Variants in TRDN observed in about 807,000 individuals in gnomAD.
TRDN encodes the protein triadin in skeletal muscle.
TRDN carries 161 observed loss-of-function variants against 149.7 expected under a neutral mutation model. The observed-to-expected ratio is 1.08, with a 90% CI of 0.95 to 1.23. TRDN has a LOEUF of 1.23. Among genes scored for constraint, TRDN ranks in the 50% most tolerant of loss-of-function variants. TRDN has a pLI of 0.00. For synonymous variants in TRDN, 294 were observed against 250.5 expected (o/e 1.17, Z -1.64); for missense variants, 896 against 823.5 (o/e 1.09, Z -1.08).
chr6:123,248,230 A>T (rs187781241), intron 38 of TRDN, among the ~76,000 whole-genome samples: 5 of 152,296 alleles, frequency 3.3e-5, no homozygotes, highest in Non-Finnish European at 5.9e-5. Flanking sequence ...AACTCAGAGG[A>T]AAAAGGAGAC....
chr6:123,580,356 G>T (rs1583278356), intron 1 of TRDN, among the ~76,000 whole-genome samples: 2 of 152,210 alleles, frequency 1.3e-5, no homozygotes, highest in South Asian at 2.1e-4. Flanking sequence ...GAATTTAAAG[G>T]CTAGTAAAAT....
chr6:123,545,624 C>T (rs976325608), intron 4 of TRDN, among the ~76,000 whole-genome samples: 3 of 151,712 alleles, frequency 2.0e-5, no homozygotes, highest in African/African-American at 7.3e-5. Flanking sequence ...AGTCAATTCT[C>T]CTAATTCTGA....
At chr6:123,326,181 A>G (rs1779447075) in intron 23 of TRDN, among the ~76,000 whole-genome samples, 1 of 152,086 alleles carries the variant, frequency 6.6e-6, no homozygotes, top group South Asian at 2.1e-4. Context: ...AATCGCACCC[A>G]TGCATGGCAT....
At chr6:123,545,527 A>G (rs1227447554) in intron 4 of TRDN, among the ~76,000 whole-genome samples, 1 of 151,888 alleles carries the variant, frequency 6.6e-6, no homozygotes, top group Non-Finnish European at 1.5e-5. Context: ...CCCAAGATAG[A>G]GCATCTGAGA....
chr6:123,320,800 A>G (rs1315658388), intron 23 of TRDN, among the ~76,000 whole-genome samples: 1 of 152,064 alleles, frequency 6.6e-6, no homozygotes, highest in Non-Finnish European at 1.5e-5. Flanking sequence ...ATTATAATTA[A>G]CATATACAGT....
chr6:123,630,287 C>T (rs765799094), intron 1 of TRDN, among the ~76,000 whole-genome samples: 2 of 151,980 alleles, frequency 1.3e-5, no homozygotes, highest in Non-Finnish European at 2.9e-5. Context: ...TATCTTTAAG[C>T]TCCAACTAAG....
intron 37 of TRDN, 45 bp from the exon 38 acceptor site, chr6:123,252,480 G>A: frequency 9.2e-7 from 1 of 1,087,184 alleles, no homozygotes; most frequent in Non-Finnish European, 1.3e-6. Context: ...GAGATAAAAT[G>A]CAAGGAAATT....
At position 123,478,004 on chromosome 6, in the gene TRDN, C is replaced by A. The variant is rs537793646; in HGVS notation, c.854-13021G>T. ...CAGCGCACCAGCATGCACATGTATA[C>A]GTATGTAACTAACCTGCACAATGTG... On this transcript the variant is annotated intron_variant, in intron 9 of 40. Transcript: ENST00000334268. Among the ~76,000 whole-genome samples the A allele has an allele frequency of 1.7e-4, 25 of 150,526 alleles. No individual in the cohort carries two copies. The South Asian group carries it at 4.6e-3, about 28-fold the overall frequency.
At chr6:123,315,518 G>A (rs977742031) in intron 24 of TRDN, among the ~76,000 whole-genome samples, 1 of 151,868 alleles carries the variant, frequency 6.6e-6, no homozygotes, top group African/African-American at 2.4e-5. Context: ...ATAGAAGGGT[G>A]ATTTGTAATA....
chr6:123,370,134 CTGCACACCTA>C (rs1315022130), intron 19 of TRDN, among the ~76,000 whole-genome samples: 1 of 152,138 alleles, frequency 6.6e-6, no homozygotes, highest in Non-Finnish European at 1.5e-5. Context: ...TTGTAACCTC[CTGCACACCTA>C]AGAAATAGAA....
At chr6:123,510,697 G>T (rs904927006) in intron 7 of TRDN, among the ~76,000 whole-genome samples, 1 of 149,316 alleles carries the variant, frequency 6.7e-6, no homozygotes, top group African/African-American at 2.5e-5. Context: ...AGGCCGGAGT[G>T]CAGTGGCGCA....
chr6:123,267,337 A>T (rs1777048973), intron 32 of TRDN, among the ~76,000 whole-genome samples: 2 of 152,124 alleles, frequency 1.3e-5, no homozygotes, highest in South Asian at 4.1e-4. Context: ...TCAAGCTGAA[A>T]TTCACAATTT....
intron 31 of TRDN, among the ~76,000 whole-genome samples, chr6:123,268,219 T>A (rs1441974549): frequency 6.6e-6 from 1 of 152,038 alleles, no homozygotes; most frequent in East Asian, 1.9e-4. Context: ...TATTGAAAAT[T>A]TAAACTAAAT....
chr6:123,278,279 C>A, intron 26 of TRDN, 39 bp downstream of exon 26: 3 of 1,224,112 alleles, frequency 2.5e-6, no homozygotes, highest in African/African-American at 3.1e-5. Flanking sequence ...TTATTCTAAA[C>A]ATGGAAATCA....
At chr6:123,546,254 A>G (rs939672507) in intron 4 of TRDN, among the ~76,000 whole-genome samples, 10 of 152,050 alleles carry the variant, frequency 6.6e-5, no homozygotes, top group African/African-American at 2.4e-4. Flanking sequence ...CTCCTCACAG[A>G]GCTTTATAAA....
At chr6:123,577,968 C>T (rs1478609753) in intron 1 of TRDN, among the ~76,000 whole-genome samples, 2 of 152,056 alleles carry the variant, frequency 1.3e-5, no homozygotes, top group Non-Finnish European at 2.9e-5. Context: ...CCTTTGCCCA[C>T]TTCTTAATGG....
intron 2 of TRDN, among the ~76,000 whole-genome samples, chr6:123,567,891 A>G (rs1408645547): frequency 6.6e-6 from 1 of 152,190 alleles, no homozygotes; most frequent in Non-Finnish European, 1.5e-5. Context: ...ACTGCAAAAT[A>G]CAATCATCCC....
intron 2 of TRDN, among the ~76,000 whole-genome samples, chr6:123,556,159 C>T (rs1413135515): frequency 1.3e-5 from 2 of 152,092 alleles, no homozygotes; most frequent in Admixed American, 1.3e-4. Flanking sequence ...GAGGAAACCA[C>T]ATTTTCATAT....
chr6:123,496,458 G>C (rs1282090129), intron 9 of TRDN, among the ~76,000 whole-genome samples: 1 of 152,022 alleles, frequency 6.6e-6, no homozygotes, highest in Non-Finnish European at 1.5e-5. Context: ...ATATAAATGA[G>C]CTCCTTCCTT....
Sources: allele counts gnomAD v4.1 joint callset (sites outside exome capture counted in the v4.1 genomes callset), GRCh38; gene constraint gnomAD v4.1.1; transcripts MANE v1.5; gene names NCBI Gene and HGNC (gene_info 2026-07-23, HGNC 2026-07-21).